ELP4: variants seen among roughly 807,000 people sequenced by gnomAD.
The protein encoded by ELP4 is elongator acetyltransferase complex subunit 4, also known as elongator complex protein 4.
A neutral mutation model predicts 48.9 loss-of-function variants in ELP4; 51 were observed. The ratio of observed to expected loss-of-function variants is 1.04; its 90% confidence interval spans 0.83 to 1.32. The LOEUF (loss-of-function observed/expected upper bound fraction) is 1.32, where lower values mean the gene tolerates loss of function less well. Among genes scored for constraint, ELP4 ranks in the 40% most tolerant of loss-of-function variants. ELP4 has a pLI of 0.00. For missense variants in ELP4, 519 were observed against 514.6 expected (o/e 1.01, Z -0.08); for synonymous variants, 210 against 189.2 (o/e 1.11, Z -0.90).
chr11:31,680,685 AT>A (rs2134121818), intron 9 of ELP4, among the ~76,000 whole-genome samples: 1 of 152,302 alleles, frequency 6.6e-6, no homozygotes, highest in East Asian at 1.9e-4. Context: ...GTGTTAGAAA[AT>A]GTTGTATGCA....
chr11:31,596,375 G>A (rs2133991747), intron 4 of ELP4, among the ~76,000 whole-genome samples: 1 of 152,294 alleles, frequency 6.6e-6, no homozygotes, highest in East Asian at 1.9e-4. Context: ...CTGCACTCCA[G>A]CCTGGGCGAC....
chr11:31,548,496 A>G (rs1956777221), intron 3 of ELP4, among the ~76,000 whole-genome samples: 1 of 152,188 alleles, frequency 6.6e-6, no homozygotes, highest in Non-Finnish European at 1.5e-5. Context: ...GGATACAAAC[A>G]AATGGAAGAA....
Position 31,603,798 on chromosome 11 carries a change from C to A in ELP4, c.544C>A (p.His182Asn). 1 of 1,608,516 alleles carries A rather than the reference C, an allele frequency of 6.2e-7. No homozygotes were observed. Among genetic ancestry groups the A allele is most frequent in the Non-Finnish European group, 8.5e-7 (1 of 1,176,688 alleles). ...IGPVSSSRFG[H>N]YYDASKRMPQ... The stretch of plus-strand genomic sequence containing the variant: ...ACCAGTATCATCTTCAAGATTTGGT[C>A]ACTATTATGATGCATCAAAAAGAAT... Residue 182 changes from histidine (H) to asparagine (N), a missense_variant, in exon 5 of 10, where the codon CAC (histidine) becomes AAC (asparagine). Transcript: ENST00000640961.
intron 9 of ELP4, among the ~76,000 whole-genome samples, chr11:31,739,427 A>G (rs1592269256): frequency 6.6e-6 from 1 of 152,172 alleles, no homozygotes; most frequent in Non-Finnish European, 1.5e-5. Context: ...TATTTCAAGT[A>G]TGATTTTCCC....
intron 2 of ELP4, among the ~76,000 whole-genome samples, chr11:31,532,624 A>G (rs142301455): frequency 4.1e-4 from 63 of 152,282 alleles, no homozygotes; most frequent in African/African-American, 1.3e-3. Context: ...TAACTTTATG[A>G]AAGTTTTAAT....
At chr11:31,663,713 A>G (rs764761143) in intron 9 of ELP4, 4 of 151,940 alleles carry the variant, frequency 2.6e-5, no homozygotes, top group Non-Finnish European at 1.5e-5. Context: ...AATTTCTTAG[A>G]CAAGTAAACA....
intron 3 of ELP4, among the ~76,000 whole-genome samples, chr11:31,566,859 A>C (rs964369167): frequency 2.0e-5 from 3 of 152,132 alleles, no homozygotes; most frequent in African/African-American, 7.2e-5. Flanking sequence ...ACCTGTCTAT[A>C]AAAAAAGAAG....
intron 9 of ELP4, among the ~76,000 whole-genome samples, chr11:31,695,521 G>A (rs1946383019): frequency 6.6e-6 from 1 of 151,426 alleles, no homozygotes; most frequent in Admixed American, 6.6e-5. Flanking sequence ...CTTGATCGTG[G>A]TGTATAAGCT....
intron 3 of ELP4, among the ~76,000 whole-genome samples, chr11:31,575,459 G>A (rs1036825735): frequency 3.3e-5 from 5 of 152,040 alleles, no homozygotes; most frequent in African/African-American, 4.8e-5. Flanking sequence ...GATACTCCTC[G>A]AGAAGAGCAA....
In ELP4 at chr11:31,789,852, T is replaced by C; in HGVS notation, c.*6328T>C. 1 of 1,302,234 alleles carries C rather than the reference T, an allele frequency of 7.7e-7. No homozygotes were observed. Among genetic ancestry groups the C allele is most frequent in the Non-Finnish European group, 1.1e-6 (1 of 918,486 alleles). 80.7% of individuals were successfully genotyped at this position (1,302,234 alleles called of 1,614,324 possible). On this transcript the variant is annotated 3_prime_UTR_variant, in exon 10 of 10. Coordinates refer to ENST00000640961, the MANE Select transcript of ELP4 (RefSeq NM_019040.5). ...CTAACAGCCATTTTTCTTTCTTTCC[T>C]GAAAGCTCAACTGTTGTGTCCCCAT...
At chr11:31,612,773 A>ACCTCC (rs1958005750) in intron 5 of ELP4, among the ~76,000 whole-genome samples, 1 of 152,188 alleles carries the variant, frequency 6.6e-6, no homozygotes, top group Non-Finnish European at 1.5e-5. Context: ...GTCTTCAGTT[A>ACCTCC]ACAGTAAGGA....
At chr11:31,643,589 A>G (rs1945142830) in intron 7 of ELP4, among the ~76,000 whole-genome samples, 1 of 151,856 alleles carries the variant, frequency 6.6e-6, no homozygotes, top group African/African-American at 2.4e-5. Flanking sequence ...AACCATTTTT[A>G]TTAGAAAATT....
intron 4 of ELP4, among the ~76,000 whole-genome samples, chr11:31,602,346 C>T (rs1957799404): frequency 6.6e-6 from 1 of 151,798 alleles, no homozygotes; most frequent in Non-Finnish European, 1.5e-5. Flanking sequence ...AGTTTGTACC[C>T]TATTTTTAAG....
intron 9 of ELP4, among the ~76,000 whole-genome samples, chr11:31,782,180 T>C (rs1458193317): frequency 6.6e-6 from 1 of 152,252 alleles, no homozygotes; most frequent in Non-Finnish European, 1.5e-5. Context: ...TTTTAAAATA[T>C]TTTGATCATG....
chr11:31,713,596 T>C (rs1347212220), intron 9 of ELP4, among the ~76,000 whole-genome samples: 4 of 152,204 alleles, frequency 2.6e-5, no homozygotes, highest in Non-Finnish European at 5.9e-5. Context: ...GAGCATCATA[T>C]TATTATATAT....
chr11:31,575,369 G>A (rs1393536188), intron 3 of ELP4, among the ~76,000 whole-genome samples: 1 of 152,182 alleles, frequency 6.6e-6, no homozygotes, highest in Admixed American at 6.5e-5. Context: ...ACACTCTGCA[G>A]GATATTATCC....
At chr11:31,665,655 C>CTTTTTTTT (rs71060496) in intron 9 of ELP4, among the ~76,000 whole-genome samples, 1 of 79,658 alleles carries the variant, frequency 1.3e-5, no homozygotes, top group African/African-American at 4.2e-5. Context: ...GTCTCTCTTC[C>CTTTTTTTT]TTTTTTTTTT....
chr11:31,526,363 G>C (rs1001167815), intron 2 of ELP4, among the ~76,000 whole-genome samples: 1 of 151,852 alleles, frequency 6.6e-6, no homozygotes, highest in Admixed American at 6.6e-5. Flanking sequence ...TTATTTATTG[G>C]AGACTATCCT....
intron 9 of ELP4, among the ~76,000 whole-genome samples, chr11:31,760,508 T>A (rs185682386): frequency 6.6e-5 from 10 of 152,348 alleles, no homozygotes; most frequent in Non-Finnish European, 1.2e-4. Flanking sequence ...AGTTTAAGTA[T>A]GCTAGATTTT....
Sources: allele counts gnomAD v4.1 joint callset (sites outside exome capture counted in the v4.1 genomes callset), GRCh38; gene constraint gnomAD v4.1.1; transcripts MANE v1.5; gene names NCBI Gene and HGNC (gene_info 2026-07-23, HGNC 2026-07-21).